Variants in NAV2 observed in about 807,000 individuals in gnomAD.
The protein encoded by NAV2 is helicase, APC down-regulated 1.
Under a neutral mutation model 223.2 loss-of-function variants are expected in NAV2, and 54 were observed. That is an observed-to-expected ratio of 0.24 (90% CI 0.19 to 0.30). The LOEUF (loss-of-function observed/expected upper bound fraction) is 0.30. Ranked by LOEUF, NAV2 falls within the 10% of genes least tolerant of loss-of-function variation. The pLI, the probability that NAV2 is intolerant of heterozygous loss-of-function variation, is 1.00. For missense variants in NAV2, 2,806 were observed against 3,147.5 expected (o/e 0.89, Z 2.60); for synonymous variants, 1,279 against 1,239.3 (o/e 1.03, Z -0.67).
intron 1 of NAV2, among the ~76,000 whole-genome samples, chr11:19,731,981 A>C (rs1021711610): frequency 7.9e-5 from 12 of 152,184 alleles, no homozygotes; most frequent in African/African-American, 2.9e-4. Context: ...GCTGTTTGCA[A>C]AGGATAATGA....
At chr11:19,761,374 G>A (rs76155638) in intron 1 of NAV2, among the ~76,000 whole-genome samples, 2,080 of 152,294 alleles carry the variant, frequency 0.014, 61 homozygotes, top group African/African-American at 0.047. Context: ...ATTTCAGTGA[G>A]CGACAAGTAC....
At chr11:19,881,031 C>T (rs949976540) in intron 5 of NAV2, among the ~76,000 whole-genome samples, 3 of 152,080 alleles carry the variant, frequency 2.0e-5, no homozygotes, top group Non-Finnish European at 4.4e-5. Flanking sequence ...TCTTTTCATT[C>T]CCCCAAAGCA....
At chr11:19,777,815 A>G (rs189780355) in intron 1 of NAV2, 107 of 453,102 alleles carry the variant, frequency 2.4e-4, no homozygotes, top group African/African-American at 2.0e-3. Context: ...CTTGGATTGC[A>G]CACGCTGGGA....
At chr11:19,535,913 C>T (rs899662551) in intron 1 of NAV2, among the ~76,000 whole-genome samples, 1 of 140,754 alleles carries the variant, frequency 7.1e-6, no homozygotes, top group African/African-American at 2.7e-5. Context: ...TAGAACAGAG[C>T]AGACTGGGCC....
intron 3 of NAV2, among the ~76,000 whole-genome samples, chr11:19,855,096 T>C (rs1012945465): frequency 1.3e-5 from 2 of 151,970 alleles, no homozygotes; most frequent in Non-Finnish European, 2.9e-5. Context: ...TGCCTCCATT[T>C]CCCCATCTGA....
chr11:20,059,154 C>CA (rs2058548171), intron 19 of NAV2, among the ~76,000 whole-genome samples: 1 of 151,898 alleles, frequency 6.6e-6, no homozygotes, highest in African/African-American at 2.4e-5. Flanking sequence ...GCTTCCTTTG[C>CA]TGGTGGAGAG....
intron 11 of NAV2, among the ~76,000 whole-genome samples, chr11:19,999,509 C>T (rs1011365776): frequency 1.3e-5 from 2 of 152,172 alleles, no homozygotes; most frequent in Admixed American, 6.5e-5. Context: ...GCTGGGATTA[C>T]AGGCACCCGC....
intron 11 of NAV2, among the ~76,000 whole-genome samples, chr11:20,012,694 A>ATG (rs10632880): frequency 6.8e-6 from 1 of 146,984 alleles, no homozygotes; most frequent in Admixed American, 6.8e-5. Context: ...AAAAAAAAGA[A>ATG]GGGGGAAAAG....
chr11:19,741,919 G>A (rs949372789), intron 1 of NAV2, among the ~76,000 whole-genome samples: 7 of 151,924 alleles, frequency 4.6e-5, no homozygotes, highest in African/African-American at 9.7e-5. Context: ...AATTTCTTGA[G>A]GAACCTCCAT....
chr11:19,819,798 C>G lies in NAV2; in HGVS notation c.268-12686C>G, dbSNP rs530226991. 2.7e-4 allele frequency among the ~76,000 whole-genome samples: 41 copies of G among 152,376 alleles called. No individual in the cohort carries two copies. In the South Asian group the frequency reaches 8.5e-3, roughly 32 times the overall value. On this transcript the variant is annotated intron_variant, in intron 1 of 37. Coordinates refer to ENST00000349880, the MANE Select transcript of NAV2 (RefSeq NM_145117.5). ...TTATCCCATTTTACAAATGTGGAAA[C>G]TGAGGCTTAGAGAGTGGTGGATTGC...
At chr11:19,737,407 T>A (rs1423831386) in intron 1 of NAV2, among the ~76,000 whole-genome samples, 1 of 152,106 alleles carries the variant, frequency 6.6e-6, no homozygotes, top group Non-Finnish European at 1.5e-5. Context: ...TACAGCCTGG[T>A]TGGGAGAATA....
Position 19,868,920 on chromosome 11 carries a change from C to T in NAV2, c.439-5C>T. 6.2e-7 allele frequency: 1 copy of T among 1,613,318 alleles called. No individual in the cohort carries two copies. Among genetic ancestry groups the T allele is most frequent in the South Asian group, 1.1e-5 (1 of 91,036 alleles). On this transcript the variant is annotated splice_region_variant and splice_polypyrimidine_tract_variant and intron_variant, in intron 3 of 37. Coordinates refer to ENST00000349880, the MANE Select transcript of NAV2 (RefSeq NM_145117.5). Reference sequence around the variant, plus strand: ...TAAGTATATATTGTTGTTTTTCCCTCCTAGATTGAAAACATAGATGCCTGC... The same window carrying T: ...TAAGTATATATTGTTGTTTTTCCCTTCTAGATTGAAAACATAGATGCCTGC...
chr11:19,475,841 A>G (rs1473222788), intron 1 of NAV2, among the ~76,000 whole-genome samples: 2 of 152,260 alleles, frequency 1.3e-5, no homozygotes, highest in African/African-American at 2.4e-5. Flanking sequence ...CAGAAGAACC[A>G]ACAACTTTTG....
chr11:19,776,632 A>G lies in NAV2; in HGVS notation c.268-55852A>G, dbSNP rs868131780. Reference sequence around the variant, plus strand: ...TGGTTAGAGTTGTGGGGGTCAGAAAATGTGTGTGTGTGTGTGTGTGTGTGT... The same window carrying G: ...TGGTTAGAGTTGTGGGGGTCAGAAAGTGTGTGTGTGTGTGTGTGTGTGTGT... On this transcript the variant is annotated intron_variant, in intron 1 of 37. Transcript: ENST00000349880. Among the ~76,000 whole-genome samples the G allele has an allele frequency of 7.7e-4, 50 of 64,650 alleles. 1 individual carries two copies. The highest frequency in any genetic ancestry group is 1.0e-3 in the Non-Finnish European group (33 of 32,394). The allele number at this position is 64,650 out of a possible 152,430, so 42.4% of individuals were successfully genotyped here. A position where few individuals can be genotyped will look rare whatever the true frequency, so the allele number is the denominator to read the frequency against.
intron 2 of NAV2, among the ~76,000 whole-genome samples, chr11:19,835,229 T>C (rs533280493): frequency 6.6e-6 from 1 of 152,314 alleles, no homozygotes; most frequent in African/African-American, 2.4e-5. Context: ...GAGACCCAAG[T>C]TAGCACCAGT....
At chr11:19,872,522 A>G (rs2062577387) in intron 4 of NAV2, among the ~76,000 whole-genome samples, 1 of 152,262 alleles carries the variant, frequency 6.6e-6, no homozygotes, top group Non-Finnish European at 1.5e-5. Context: ...ATTAAAAAGT[A>G]ATGCAGATTT....
chr11:20,115,694 C>T (rs1481367501), intron 37 of NAV2, among the ~76,000 whole-genome samples: 1 of 149,730 alleles, frequency 6.7e-6, no homozygotes, highest in Admixed American at 6.7e-5. Flanking sequence ...CCTGTAGTCC[C>T]AGCACTTTTG....
At chr11:19,430,004 T>C (rs1452566390) in intron 1 of NAV2, among the ~76,000 whole-genome samples, 1 of 152,200 alleles carries the variant, frequency 6.6e-6, no homozygotes, top group South Asian at 2.1e-4. Context: ...GAAACTTCAA[T>C]TTCACATTCA....
In NAV2 at chr11:19,547,663, G is replaced by C. The variant is rs182919051; in HGVS notation, c.75+196636G>C. 7.7e-3 allele frequency among the ~76,000 whole-genome samples: 1,170 copies of C among 152,190 alleles called. 14 individuals carry two copies. Among genetic ancestry groups the C allele is most frequent in the Non-Finnish European group, 9.2e-3 (628 of 68,004 alleles). ...CTTGGGACCCCTTACTAATGGAAGG[G>C]AGTGGGGGCTGAGAGCCCGGGGGAC... On this transcript the variant is annotated intron_variant, in intron 1 of 37. Coordinates refer to the NAV2 transcript ENST00000360655.
Sources: allele counts gnomAD v4.1 joint callset (sites outside exome capture counted in the v4.1 genomes callset), GRCh38; gene constraint gnomAD v4.1.1; transcripts MANE v1.5; gene names NCBI Gene and HGNC (gene_info 2026-07-23, HGNC 2026-07-21).